The following CLNK variants were observed in gnomAD, a reference collection of about 807,000 sequenced individuals.
CLNK encodes cytokine dependent hematopoietic cell linker.
In CLNK, 74 loss-of-function variants were observed where a neutral mutation model predicts 68.6. The ratio of observed to expected loss-of-function variants is 1.08; its 90% CI spans 0.89 to 1.31. The LOEUF is 1.31. Ranked by LOEUF, CLNK falls within the 50% of genes most tolerant of loss-of-function variation. The probability of loss-of-function intolerance (pLI) is 0.00; values close to 1 mark genes in which losing one functional copy is unlikely to be tolerated. For synonymous variants in CLNK, 198 were observed against 172.2 expected (o/e 1.15, Z -1.17); for missense variants, 553 against 515.3 (o/e 1.07, Z -0.71).
chr4:10,680,401 A>T (rs972609026), intron 1 of CLNK, among the ~76,000 whole-genome samples: 3 of 150,582 alleles, frequency 2.0e-5, no homozygotes, highest in Non-Finnish European at 4.4e-5. Context: ...TAGCATTAGG[A>T]GGTATACCTA....
intron 4 of CLNK, among the ~76,000 whole-genome samples, chr4:10,583,316 C>T (rs1374216093): frequency 8.6e-5 from 13 of 151,766 alleles, no homozygotes; most frequent in Non-Finnish European, 4.4e-5. Flanking sequence ...CTTGCTCTGT[C>T]GTCCACAGCG....
chr4:10,621,912 A>G (rs1046072616), intron 2 of CLNK, among the ~76,000 whole-genome samples: 9 of 152,298 alleles, frequency 5.9e-5, no homozygotes, highest in African/African-American at 2.2e-4. Flanking sequence ...GCACTGTGCC[A>G]TTTAGCCCAG....
chr4:10,719,845 A>G, the CLNK span, among the ~76,000 whole-genome samples: 2 of 152,208 alleles, frequency 1.3e-5, no homozygotes, highest in Admixed American at 1.3e-4. Context: ...GCAAACTTAA[A>G]GTATTTAAAA....
intron 11 of CLNK, among the ~76,000 whole-genome samples, chr4:10,533,944 C>T (rs1560204943): frequency 1.3e-5 from 2 of 152,048 alleles, no homozygotes; most frequent in Non-Finnish European, 2.9e-5. Flanking sequence ...TTTAAACCTA[C>T]CCTGTCAACA....
the CLNK span, among the ~76,000 whole-genome samples, chr4:10,690,994 A>G: frequency 1.4e-3 from 216 of 152,160 alleles, 2 homozygotes; most frequent in African/African-American, 4.9e-3. Context: ...GTGGGGTGGG[A>G]ACTTTATATA....
chr4:10,725,546 C>A, the CLNK span, among the ~76,000 whole-genome samples: 1 of 152,144 alleles, frequency 6.6e-6, no homozygotes, highest in Non-Finnish European at 1.5e-5. Context: ...AATGCTCCAT[C>A]CCCATTTCCC....
At chr4:10,564,931 G>A (rs1055404359) in intron 6 of CLNK, among the ~76,000 whole-genome samples, 154 bp from the exon 7 acceptor site, 5 of 152,156 alleles carry the variant, frequency 3.3e-5, no homozygotes, top group African/African-American at 9.7e-5. Flanking sequence ...GGAGACTGAC[G>A]TATGCAGAGA....
At chr4:10,653,415 A>G (rs1230687827) in intron 2 of CLNK, among the ~76,000 whole-genome samples, 1 of 152,190 alleles carries the variant, frequency 6.6e-6, no homozygotes, top group Non-Finnish European at 1.5e-5. Context: ...TAAAGCTTAT[A>G]GACTATTTTT....
intron 2 of CLNK, among the ~76,000 whole-genome samples, chr4:10,655,385 A>T (rs1054481559): frequency 5.3e-5 from 8 of 151,294 alleles, no homozygotes; most frequent in South Asian, 2.1e-4. Flanking sequence ...AAAGCGAGAG[A>T]GTGTGTGTGT....
the CLNK span, among the ~76,000 whole-genome samples, chr4:10,722,047 G>A: frequency 2.4e-4 from 36 of 152,234 alleles, no homozygotes; most frequent in Middle Eastern, 3.4e-3. Flanking sequence ...GGTGGCATAC[G>A]ACTGTAATCC....
chr4:10,674,830 C>G (rs1724806712), intron 1 of CLNK, among the ~76,000 whole-genome samples: 1 of 152,090 alleles, frequency 6.6e-6, no homozygotes, highest in African/African-American at 2.4e-5. Context: ...TGTTCAACCC[C>G]CATTTATGAG....
Position 10,537,619 on chromosome 4 carries a change from CTCTTTCTTTCTTTCTTTCTCTT to C in CLNK, c.602+2853_602+2874del, listed in dbSNP as rs1473273229. ...TCCCTGTCTTTCTCCCTTTCTCTCT[CTCTTTCTTTCTTTCTTTCTCTT>C]TCTTTCTTTCTTTCTTTCTTTCTTT... On this transcript the variant is annotated intron_variant, in intron 11 of 18. Transcript: ENST00000226951. Among the ~76,000 whole-genome samples, 6 of 141,604 alleles carry C rather than the reference CTCTTTCTTTCTTTCTTTCTCTT, an allele frequency of 4.2e-5. No individual in the cohort carries two copies. In the Admixed American group the frequency reaches 4.3e-4, roughly 10 times the overall value. The allele number at this position is 141,604 out of a possible 152,430, so 92.9% of individuals were successfully genotyped here.
At chr4:10,550,091 A>T (rs981328825) in intron 8 of CLNK, among the ~76,000 whole-genome samples, 4 of 152,232 alleles carry the variant, frequency 2.6e-5, no homozygotes, top group Non-Finnish European at 4.4e-5. Flanking sequence ...GAAGAAGGAA[A>T]AAGAGTTAAG....
chr4:10,659,750 A>C (rs1254665036), intron 2 of CLNK, among the ~76,000 whole-genome samples: 1 of 152,208 alleles, frequency 6.6e-6, no homozygotes, highest in East Asian at 1.9e-4. Context: ...TTTACCAGGA[A>C]TTCTGAAATT....
chr4:10,524,375 T>C (rs1157946485), intron 14 of CLNK, among the ~76,000 whole-genome samples: 1 of 152,214 alleles, frequency 6.6e-6, no homozygotes, highest in Non-Finnish European at 1.5e-5. Context: ...TCTTGCAACA[T>C]GCCTGACTCT....
chr4:10,509,499 C>T (rs570044063), intron 16 of CLNK, among the ~76,000 whole-genome samples: 1 of 151,202 alleles, frequency 6.6e-6, no homozygotes, highest in Admixed American at 6.6e-5. Context: ...CATTCTTTTG[C>T]ATCAAGATTG....
intron 3 of CLNK, among the ~76,000 whole-genome samples, chr4:10,591,689 C>T (rs141259817): frequency 5.9e-5 from 9 of 152,322 alleles, no homozygotes; most frequent in African/African-American, 2.2e-4. Flanking sequence ...GGAAACTACT[C>T]CACGTGTGTG....
chr4:10,687,435 C>G (rs1725307631), upstream of CLNK, among the ~76,000 whole-genome samples: 1 of 150,048 alleles, frequency 6.7e-6, no homozygotes, highest in Non-Finnish European at 1.5e-5. Flanking sequence ...TTTGCTGGAG[C>G]AGAAATGGAG....
chr4:10,707,423 G>T, the CLNK span, among the ~76,000 whole-genome samples: 1 of 152,190 alleles, frequency 6.6e-6, no homozygotes, highest in Non-Finnish European at 1.5e-5. Context: ...TTCATAAATT[G>T]TCTGAACTCA....
Sources: allele counts gnomAD v4.1 joint callset (sites outside exome capture counted in the v4.1 genomes callset), GRCh38; gene constraint gnomAD v4.1.1; transcripts MANE v1.5; gene names NCBI Gene and HGNC (gene_info 2026-07-23, HGNC 2026-07-21).